The following PDE7B variants were observed in gnomAD, a reference collection of about 807,000 sequenced individuals.
The protein encoded by PDE7B is 3',5'-cyclic-AMP phosphodiesterase 7B.
A neutral mutation model predicts 56.2 loss-of-function variants in PDE7B; 29 were observed. The ratio of observed to expected loss-of-function variants is 0.52; its 90% confidence interval spans 0.38 to 0.70. PDE7B has a LOEUF of 0.70. PDE7B is among the 30% of genes least tolerant of loss of function. The pLI is 0.00. For missense variants in PDE7B, 490 were observed against 565.0 expected (o/e 0.87, Z 1.35); for synonymous variants, 197 against 196.9 (o/e 1.00, Z 0.00).
rs142254231 is a variant in PDE7B at position 136,143,386 on chromosome 6, A to G, written c.167-3965A>G. Among the ~76,000 whole-genome samples the G allele has an allele frequency of 6.3e-3, 956 of 152,096 alleles. 11 individuals carry two copies. Among genetic ancestry groups the G allele is most frequent in the African/African-American group, 0.022 (910 of 41,510 alleles). On this transcript the variant is annotated intron_variant, in intron 3 of 12. Transcript: ENST00000308191. Reference sequence around the variant, plus strand: ...TTTTTATTTAAAAAAAAAATGCAAGACAGGCTAGAGTCAGGGGAATGAGGC... The same window carrying G: ...TTTTTATTTAAAAAAAAAATGCAAGGCAGGCTAGAGTCAGGGGAATGAGGC...
intron 2 of PDE7B, among the ~76,000 whole-genome samples, chr6:135,978,206 C>T (rs1775226167): frequency 6.6e-6 from 1 of 152,160 alleles, no homozygotes; most frequent in South Asian, 2.1e-4. Context: ...GTATATTACT[C>T]TGCTGAATAC....
intron 1 of PDE7B, among the ~76,000 whole-genome samples, chr6:135,858,643 G>A (rs1775084049): frequency 6.6e-6 from 1 of 152,084 alleles, no homozygotes; most frequent in Non-Finnish European, 1.5e-5. Context: ...CTGGGCACCA[G>A]CTTTCTCATG....
chr6:135,899,279 G>T (rs1314480190), intron 1 of PDE7B, among the ~76,000 whole-genome samples: 2 of 151,816 alleles, frequency 1.3e-5, no homozygotes, highest in Non-Finnish European at 2.9e-5. Context: ...GTTCTACAAC[G>T]TTCATCTTAA....
intron 2 of PDE7B, among the ~76,000 whole-genome samples, chr6:136,075,415 C>A (rs748072068): frequency 6.6e-6 from 1 of 152,094 alleles, no homozygotes; most frequent in Admixed American, 6.5e-5. Flanking sequence ...TCTCTTTGTA[C>A]GTAATGAATG....
At chr6:136,180,523 ATCTGT>A (rs1211460658) in intron 10 of PDE7B, among the ~76,000 whole-genome samples, 2 of 152,200 alleles carry the variant, frequency 1.3e-5, no homozygotes, top group African/African-American at 2.4e-5. Context: ...CAACATTGCT[ATCTGT>A]TCTGTGATGC....
At chr6:136,157,053 C>T (rs542591002) in intron 8 of PDE7B, among the ~76,000 whole-genome samples, 1 of 152,208 alleles carries the variant, frequency 6.6e-6, no homozygotes, top group Non-Finnish European at 1.5e-5. Context: ...ATTATCATAC[C>T]TATTTTCCAC....
chr6:136,042,687 TTC>T (rs1161705113), intron 2 of PDE7B, among the ~76,000 whole-genome samples: 2 of 152,212 alleles, frequency 1.3e-5, no homozygotes, highest in Non-Finnish European at 2.9e-5. Flanking sequence ...TCCAGAACCA[TTC>T]TCTGATTCCA....
chr6:135,874,701 G>T (rs956120054), intron 1 of PDE7B, among the ~76,000 whole-genome samples: 2 of 152,090 alleles, frequency 1.3e-5, no homozygotes, highest in African/African-American at 2.4e-5. Flanking sequence ...TTCTGTAATT[G>T]TTGGAAACAG....
chr6:136,022,209 A>G (rs1482354225), intron 2 of PDE7B, among the ~76,000 whole-genome samples: 1 of 152,112 alleles, frequency 6.6e-6, no homozygotes, highest in African/African-American at 2.4e-5. Flanking sequence ...CTTAGCCACT[A>G]TTTTGTTAAT....
chr6:135,957,401 T>C (rs910344818), intron 2 of PDE7B, among the ~76,000 whole-genome samples: 3 of 152,164 alleles, frequency 2.0e-5, no homozygotes, highest in African/African-American at 7.2e-5. Flanking sequence ...TTCTTTAAAA[T>C]TAAAAAATAC....
intron 2 of PDE7B, among the ~76,000 whole-genome samples, chr6:136,078,766 T>G (rs115052414): frequency 6.6e-6 from 1 of 152,092 alleles, no homozygotes; most frequent in Non-Finnish European, 1.5e-5. Flanking sequence ...CATATACATT[T>G]TAAACTTAAT....
rs935748474 is a variant in PDE7B at position 135,882,300 on chromosome 6, C to T, written c.21+30281C>T. On this transcript the variant is annotated intron_variant, in intron 1 of 12. Transcript: ENST00000308191. ...TTCTGTTTCCCTGAGTTACTGACAG[C>T]GCTAAAATATACTATGAACCTCATG... Among the ~76,000 whole-genome samples, 49 of 152,232 alleles carry T rather than the reference C, an allele frequency of 3.2e-4. 1 individual carries two copies. The highest frequency in any genetic ancestry group is 4.1e-4 in the Non-Finnish European group (28 of 68,016).
intron 1 of PDE7B, among the ~76,000 whole-genome samples, chr6:135,933,981 TC>T (rs1337076247): frequency 1.3e-5 from 2 of 152,160 alleles, no homozygotes; most frequent in African/African-American, 4.8e-5. Context: ...GATTTCACAG[TC>T]CACAAAAAAT....
chr6:136,112,497 T>C (rs923391502), intron 3 of PDE7B: 4 of 152,244 alleles, frequency 2.6e-5, no homozygotes, highest in Non-Finnish European at 4.4e-5. Context: ...ACTCACCCTA[T>C]GGCCCTTTAC....
intron 1 of PDE7B, among the ~76,000 whole-genome samples, chr6:135,889,871 G>C (rs565947550): frequency 1.4e-5 from 2 of 145,382 alleles, no homozygotes; most frequent in African/African-American, 2.6e-5. Flanking sequence ...TCCTGCCTCA[G>C]ACTCCTGAGT....
In PDE7B at chr6:136,151,175, C is replaced by A. The variant is rs745359497; in HGVS notation, c.398C>A (p.Thr133Lys). 1 of 1,605,064 alleles carries A rather than the reference C, an allele frequency of 6.2e-7. No homozygotes were observed. The highest frequency in any genetic ancestry group is 1.3e-5 in the African/African-American group (1 of 74,822). ...TTTCCTGCAGGAAACAGCCTGGTAA[C>A]ACTGTTGTGCCACCTCTTCAATACC... is the stretch of plus-strand genomic sequence containing the variant. ...DRLTNGNSLV[T>K]LLCHLFNTHG... Residue 133 changes from threonine to lysine, a missense_variant, in exon 6 of 13, where the codon ACA (threonine) becomes AAA (lysine). Transcript: ENST00000308191.
chr6:135,969,343 T>C (rs369243132), intron 2 of PDE7B, among the ~76,000 whole-genome samples: 2 of 152,254 alleles, frequency 1.3e-5, no homozygotes, highest in East Asian at 3.9e-4. Flanking sequence ...AAAATAGCTT[T>C]GTAATATACA....
intron 11 of PDE7B, among the ~76,000 whole-genome samples, chr6:136,183,587 C>G (rs571043478): frequency 3.2e-5 from 4 of 124,648 alleles, no homozygotes; most frequent in Non-Finnish European, 6.2e-5. Context: ...CAGAGCGAGA[C>G]TCTGTCTCAA....
intron 2 of PDE7B, among the ~76,000 whole-genome samples, chr6:136,096,999 G>A (rs2128216718): frequency 6.6e-6 from 1 of 152,116 alleles, no homozygotes; most frequent in African/African-American, 2.4e-5. Flanking sequence ...TGCTCTTGAA[G>A]CACTCTCTTC....
Sources: gnomAD v4.1 joint callset for allele counts (sites outside exome capture counted in the v4.1 genomes callset) on GRCh38, gnomAD v4.1.1 for gene constraint, MANE v1.5 for transcripts, NCBI Gene and HGNC (gene_info 2026-07-23, HGNC 2026-07-21) for gene names.